The following KAZN variants were observed in gnomAD, a reference collection of about 807,000 sequenced individuals.
KAZN encodes the protein kazrin.
A neutral mutation model predicts 87.4 loss-of-function variants in KAZN; 40 were observed. The observed-to-expected ratio is 0.46, with a 90% CI of 0.36 to 0.60. The LOEUF (loss-of-function observed/expected upper bound fraction) is 0.60, where lower values mean the gene tolerates loss of function less well. Among genes scored for constraint, KAZN ranks in the 20% least tolerant of loss-of-function variants. The pLI is 0.00. For missense variants in KAZN, 898 were observed against 1,073.9 expected (o/e 0.84, Z 2.29); for synonymous variants, 466 against 458.3 (o/e 1.02, Z -0.22).
At chr1:14,413,560 G>C (rs1664480374) in intron 2 of KAZN, among the ~76,000 whole-genome samples, 1 of 124,950 alleles carries the variant, frequency 8.0e-6, no homozygotes, top group African/African-American at 3.0e-5. Context: ...CTGCACTCCA[G>C]CCTGGGCAAC....
chr1:14,528,959 C>G (rs1045558933), intron 2 of KAZN, among the ~76,000 whole-genome samples: 1 of 152,042 alleles, frequency 6.6e-6, no homozygotes, highest in Non-Finnish European at 1.5e-5. Context: ...CCTCTTCCCA[C>G]CCCCCATTCC....
intron 1 of KAZN, among the ~76,000 whole-genome samples, chr1:13,975,308 C>G (rs533285597): frequency 3.9e-4 from 60 of 152,322 alleles, no homozygotes; most frequent in African/African-American, 1.4e-3. Context: ...GTTCAGAACA[C>G]TTGGTTACTT....
chr1:14,299,376 A>G (rs1654364631), intron 2 of KAZN, among the ~76,000 whole-genome samples: 1 of 151,950 alleles, frequency 6.6e-6, no homozygotes, highest in South Asian at 2.1e-4. Context: ...GTTGGCATGC[A>G]CCTGTAATCG....
At chr1:14,139,122 A>C (rs1166772247) in intron 1 of KAZN, among the ~76,000 whole-genome samples, 1 of 152,134 alleles carries the variant, frequency 6.6e-6, no homozygotes, top group Non-Finnish European at 1.5e-5. Flanking sequence ...TAATGCATTA[A>C]TTGCTACCAC....
intron 2 of KAZN, among the ~76,000 whole-genome samples, chr1:14,516,041 A>G (rs1407250215): frequency 6.6e-6 from 1 of 152,134 alleles, no homozygotes; most frequent in African/African-American, 2.4e-5. Flanking sequence ...AATTAGTAAG[A>G]TGGTACTCCA....
At position 15,116,494 on chromosome 1, in the gene KAZN, G is replaced by A. The variant is rs1364371898; in HGVS notation, c.*1859G>A. On this transcript the variant is annotated 3_prime_UTR_variant, in exon 15 of 15. Coordinates refer to ENST00000376030, the MANE Select transcript of KAZN (RefSeq NM_201628.3). ...CTGGGCCCCAGGTGGTGAATCTCTG[G>A]CATGTGGCTTGGCTTTGTTGAGACT... 1 of 152,220 alleles carries A rather than the reference G, an allele frequency of 6.6e-6. No individual in the cohort carries two copies. The highest frequency in any genetic ancestry group is 1.5e-5 in the Non-Finnish European group (1 of 68,074). The allele number at this position is 152,220 out of a possible 1,614,324, so 9.4% of individuals were successfully genotyped here.
intron 1 of KAZN, among the ~76,000 whole-genome samples, chr1:13,936,119 A>G (rs1427401660): frequency 7.1e-4 from 7 of 9,804 alleles, no homozygotes; most frequent in African/African-American, 1.7e-3. Flanking sequence ...TTTGAGACAG[A>G]GTTTCAAGCT....
intron 1 of KAZN, among the ~76,000 whole-genome samples, chr1:14,101,352 G>A (rs1183408448): frequency 1.3e-5 from 2 of 152,096 alleles, no homozygotes; most frequent in Non-Finnish European, 1.5e-5. Context: ...TTTGGATGAC[G>A]GTTTATAAGA....
chr1:14,575,187 A>C (rs533773450), intron 2 of KAZN, among the ~76,000 whole-genome samples: 1 of 152,196 alleles, frequency 6.6e-6, no homozygotes, highest in Admixed American at 6.5e-5. Flanking sequence ...GTGGGATTTC[A>C]GTTGGTTGGG....
rs1643881126 is a variant in KAZN, at chr1:14,735,727, GTAA to G, written c.226+136507_226+136509del. Among the ~76,000 whole-genome samples, 1 of 152,198 alleles carries G rather than the reference GTAA, an allele frequency of 6.6e-6. No individual in the cohort carries two copies. The highest frequency in any genetic ancestry group is 1.5e-5 in the Non-Finnish European group (1 of 68,046). On this transcript the variant is annotated intron_variant, in intron 1 of 14. Transcript: ENST00000376030. This position sits in a 1 kb window ranked among gnomAD's most constrained non-coding sequence, Gnocchi z 4.3. ...CCAGATTTCCAAAGCGGCATGCCGG[GTAA>G]TAGCCACTCTTGCACGGCAAAGGAG...
chr1:14,092,615 G>T (rs1030347544), intron 1 of KAZN, among the ~76,000 whole-genome samples: 2 of 141,244 alleles, frequency 1.4e-5, no homozygotes, highest in African/African-American at 5.0e-5. Flanking sequence ...ATATACATAT[G>T]TATGTACATA....
chr1:14,754,258 G>A (rs1644495641), intron 1 of KAZN, among the ~76,000 whole-genome samples: 1 of 152,220 alleles, frequency 6.6e-6, no homozygotes, highest in Admixed American at 6.5e-5. Context: ...ACAGTGGGGA[G>A]GCCAGTGGAG....
chr1:14,366,469 A>G (rs570296044), intron 2 of KAZN, among the ~76,000 whole-genome samples: 3 of 152,360 alleles, frequency 2.0e-5, no homozygotes, highest in Admixed American at 6.5e-5. Flanking sequence ...ATCTTTCCTA[A>G]GCCCTTCACT....
At chr1:14,493,194 G>A (rs925430281) in intron 2 of KAZN, among the ~76,000 whole-genome samples, 10 of 151,824 alleles carry the variant, frequency 6.6e-5, no homozygotes, top group Non-Finnish European at 1.0e-4. Flanking sequence ...TGCCTGCCCC[G>A]TGCTGTACAC....
intron 2 of KAZN, among the ~76,000 whole-genome samples, chr1:14,361,997 G>T (rs1022782309): frequency 6.6e-6 from 1 of 152,198 alleles, no homozygotes; most frequent in Non-Finnish European, 1.5e-5. Context: ...ACAAGGAAAG[G>T]TCCTGTAGCC....
rs116680909 is a variant in KAZN, at chr1:15,091,960, G to C, written c.1223-2220G>C. 3.8e-3 allele frequency among the ~76,000 whole-genome samples: 541 copies of C among 143,868 alleles called. 4 individuals carry two copies. The highest frequency in any genetic ancestry group is 6.6e-3 in the Non-Finnish European group (445 of 67,178). 94.4% of individuals were successfully genotyped at this position (143,868 alleles called of 152,430 possible). A position where few individuals can be genotyped will look rare whatever the true frequency, so the allele number is the denominator to read the frequency against. On this transcript the variant is annotated intron_variant, in intron 8 of 14. Transcript: ENST00000376030. ...ACCTATTGTTTTAATGTTGTGTCCTGTCTCTATGGATGGATAAGCATTTTT... is the reference window on the plus strand; with the variant it reads ...ACCTATTGTTTTAATGTTGTGTCCTCTCTCTATGGATGGATAAGCATTTTT...
rs188431928 is a variant in KAZN at position 14,158,775 on chromosome 1, A to G, written c.92-21660A>G. On this transcript the variant is annotated intron_variant, in intron 1 of 16. Coordinates refer to the KAZN transcript ENST00000636203. ...TTGGGAAGGCTTTCCAGATACTCCA[A>G]ATGACTTAGGTGTTATGATCTAAGC... 3.1e-3 allele frequency among the ~76,000 whole-genome samples: 479 copies of G among 152,264 alleles called. 1 individual carries two copies. Among genetic ancestry groups the G allele is most frequent in the Non-Finnish European group, 4.1e-3 (279 of 68,022 alleles).
At chr1:14,529,647 C>A (rs1327834016) in intron 2 of KAZN, among the ~76,000 whole-genome samples, 1 of 152,022 alleles carries the variant, frequency 6.6e-6, no homozygotes, top group East Asian at 1.9e-4. Flanking sequence ...AGAAAGGCTG[C>A]CCCAATAGAG....
At chr1:14,944,536 G>T (rs1183216529) in intron 1 of KAZN, among the ~76,000 whole-genome samples, 1 of 152,208 alleles carries the variant, frequency 6.6e-6, no homozygotes, top group Non-Finnish European at 1.5e-5. Flanking sequence ...CGAATGAACT[G>T]CCCCAGAGAG....
Sources: allele counts gnomAD v4.1 joint callset (sites outside exome capture counted in the v4.1 genomes callset), GRCh38; gene constraint gnomAD v4.1.1; non-coding constraint Gnocchi (gnomAD v3.1); transcripts MANE v1.5; gene names NCBI Gene and HGNC (gene_info 2026-07-23, HGNC 2026-07-21).